MSRA: variants seen among roughly 807,000 people sequenced by gnomAD.
The protein encoded by MSRA is mitochondrial peptide methionine sulfoxide reductase.
In MSRA, 54 loss-of-function variants were observed where a neutral mutation model predicts 31.3. The ratio of observed to expected loss-of-function variants is 1.73; its 90% CI spans 1.39 to 2.17. The LOEUF (loss-of-function observed/expected upper bound fraction) is 2.17, where lower values mean the gene tolerates loss of function less well. Ranked by LOEUF, MSRA falls within the 30% of genes most tolerant of loss-of-function variation. The probability of loss-of-function intolerance (pLI) is 0.00; values close to 1 mark genes in which losing one functional copy is unlikely to be tolerated. For synonymous variants in MSRA, 169 were observed against 116.5 expected, an observed-to-expected ratio of 1.45 and a Z score of -2.90; for missense variants, 507 against 300.9, an observed-to-expected ratio of 1.69 and a Z score of -5.07.
intron 1 of MSRA, among the ~76,000 whole-genome samples, chr8:10,169,979 A>T (rs1319234125): frequency 6.9e-6 from 1 of 144,474 alleles, no homozygotes; most frequent in African/African-American, 2.6e-5. Context: ...ACAGTGACGC[A>T]ATCTTGGCTC....
At chr8:10,166,697 C>T (rs1373303088) in intron 1 of MSRA, among the ~76,000 whole-genome samples, 3 of 152,172 alleles carry the variant, frequency 2.0e-5, no homozygotes, top group Non-Finnish European at 4.4e-5. Flanking sequence ...CTCACTCATT[C>T]ACTTGATCAT....
intron 3 of MSRA, among the ~76,000 whole-genome samples, chr8:10,263,021 C>T (rs1327121990): frequency 1.3e-5 from 2 of 152,254 alleles, no homozygotes; most frequent in East Asian, 3.8e-4. Context: ...CATCCACCCT[C>T]CCACATGGGT....
chr8:10,353,402 G>A (rs527999268), intron 5 of MSRA, among the ~76,000 whole-genome samples: 25 of 152,306 alleles, frequency 1.6e-4, no homozygotes, highest in African/African-American at 4.6e-4. Context: ...TGGCGTGTAC[G>A]GAGGAGGGAC....
At chr8:10,195,702 T>G (rs141957724) in intron 1 of MSRA, among the ~76,000 whole-genome samples, 2 of 152,336 alleles carry the variant, frequency 1.3e-5, no homozygotes, top group East Asian at 3.9e-4. Context: ...TCTACAATGA[T>G]TCCTCTTTTC....
At chr8:10,403,186 A>G (rs1807571922) in intron 5 of MSRA, among the ~76,000 whole-genome samples, 1 of 152,214 alleles carries the variant, frequency 6.6e-6, no homozygotes, top group Non-Finnish European at 1.5e-5. Context: ...AATGCACCAG[A>G]GAAGCTTCCG....
At chr8:10,399,542 T>C (rs973249284) in intron 5 of MSRA, among the ~76,000 whole-genome samples, 1 of 152,128 alleles carries the variant, frequency 6.6e-6, no homozygotes, top group Non-Finnish European at 1.5e-5. Context: ...CAGCCATAAG[T>C]AAAAACCCCC....
At chr8:10,067,756 C>A (rs1201886440) in intron 1 of MSRA, among the ~76,000 whole-genome samples, 1 of 151,988 alleles carries the variant, frequency 6.6e-6, no homozygotes, top group African/African-American at 2.4e-5. Context: ...TTGCAATTCC[C>A]AAATGATATA....
intron 3 of MSRA, among the ~76,000 whole-genome samples, chr8:10,265,883 C>A (rs1419520258): frequency 1.3e-5 from 2 of 152,188 alleles, no homozygotes; most frequent in African/African-American, 4.8e-5. Context: ...TTGTGCCTGG[C>A]TTCTTTGATT....
rs142994394 is a variant in MSRA, at chr8:10,384,948, G to A, written c.544-43200G>A. Among the ~76,000 whole-genome samples, 119 of 152,250 alleles carry A rather than the reference G, an allele frequency of 7.8e-4. 1 individual carries two copies. The highest frequency in any genetic ancestry group is 2.8e-3 in the African/African-American group (118 of 41,536). On this transcript the variant is annotated intron_variant, in intron 5 of 5. Transcript: ENST00000317173. ...GCCGAGGAGGTTGAGGCTACAGTAA[G>A]CCGTGATTGGGCCACTGCACTCCAG... is the stretch of plus-strand genomic sequence containing the variant.
At chr8:10,062,570 C>T (rs553124822) in intron 1 of MSRA, among the ~76,000 whole-genome samples, 5 of 152,258 alleles carry the variant, frequency 3.3e-5, no homozygotes, top group East Asian at 3.9e-4. Flanking sequence ...GGCCAGGGTT[C>T]CTCTGAGCAG....
chr8:10,213,110 C>G (rs369494961), intron 2 of MSRA, among the ~76,000 whole-genome samples: 4 of 152,122 alleles, frequency 2.6e-5, no homozygotes, highest in Non-Finnish European at 4.4e-5. Flanking sequence ...CCCTGTTGTA[C>G]TATCAAATGC....
chr8:10,079,367 C>G (rs145344407), intron 1 of MSRA, among the ~76,000 whole-genome samples: 1,620 of 152,182 alleles, frequency 0.011, 22 homozygotes, highest in African/African-American at 0.034. Context: ...GTTGCCCAGG[C>G]TTGTCTCGAA....
intron 1 of MSRA, among the ~76,000 whole-genome samples, chr8:10,185,525 A>C (rs1236458482): frequency 1.3e-5 from 2 of 152,014 alleles, no homozygotes; most frequent in African/African-American, 2.4e-5. Context: ...CTTAATCCTT[A>C]GTGCTTCTGG....
At chr8:10,391,589 A>G (rs1806750832) in intron 5 of MSRA, among the ~76,000 whole-genome samples, 1 of 152,244 alleles carries the variant, frequency 6.6e-6, no homozygotes, top group African/African-American at 2.4e-5. Context: ...ACATAAAGCC[A>G]ACAGTCAGGT....
At chr8:10,199,065 A>G (rs1278421570) in intron 1 of MSRA, among the ~76,000 whole-genome samples, 1 of 152,212 alleles carries the variant, frequency 6.6e-6, no homozygotes. Flanking sequence ...TCTGCATAAT[A>G]TCAGTTCCCA....
intron 5 of MSRA, among the ~76,000 whole-genome samples, chr8:10,404,643 C>G (rs973717793): frequency 3.3e-5 from 5 of 152,248 alleles, no homozygotes; most frequent in Non-Finnish European, 5.9e-5. Flanking sequence ...GCAGGCTGTG[C>G]TGCCGCGCCG....
chr8:10,157,096 G>T (rs1030619901), intron 1 of MSRA, among the ~76,000 whole-genome samples: 1 of 151,768 alleles, frequency 6.6e-6, no homozygotes, highest in Non-Finnish European at 1.5e-5. Flanking sequence ...TTTAAACCCA[G>T]TTCTTTCTGA....
chr8:10,297,458 A>C (rs1050015309), intron 3 of MSRA, among the ~76,000 whole-genome samples: 1 of 152,248 alleles, frequency 6.6e-6, no homozygotes, highest in Non-Finnish European at 1.5e-5. Flanking sequence ...CACGGCTTGA[A>C]GTATTTTTAA....
At chr8:10,197,791 C>G (rs928259357) in intron 1 of MSRA, among the ~76,000 whole-genome samples, 1 of 152,138 alleles carries the variant, frequency 6.6e-6, no homozygotes, top group Non-Finnish European at 1.5e-5. Context: ...TGTCAAAGAC[C>G]AGTAATACAG....
Sources: allele counts gnomAD v4.1 joint callset (sites outside exome capture counted in the v4.1 genomes callset), GRCh38; gene constraint gnomAD v4.1.1; transcripts MANE v1.5; gene names NCBI Gene and HGNC (gene_info 2026-07-23, HGNC 2026-07-21).